SUN1: variants seen among roughly 807,000 people sequenced by gnomAD.
SUN1 encodes SUN domain-containing protein 1.
A neutral mutation model predicts 103.2 loss-of-function variants in SUN1; 61 were observed. The observed-to-expected ratio is 0.59, with a 90% CI of 0.48 to 0.73. SUN1 has a LOEUF of 0.73. SUN1 is among the 30% of genes least tolerant of loss of function. The pLI is 0.00. For missense variants in SUN1, 1,052 were observed against 1,034.6 expected (o/e 1.02, Z -0.23); for synonymous variants, 490 against 425.7 (o/e 1.15, Z -1.86).
At chr7:856,504 C>G (rs1290774635) in intron 12 of SUN1, 103 bp downstream of exon 12, 2 of 1,329,192 alleles carry the variant, frequency 1.5e-6, no homozygotes, top group East Asian at 4.7e-5. Context: ...CCGGCCTCCC[C>G]CGAGGGTCAC....
At chr7:821,681 C>T (rs566505768) in intron 1 of SUN1, among the ~76,000 whole-genome samples, 3 of 152,250 alleles carry the variant, frequency 2.0e-5, no homozygotes, top group South Asian at 2.1e-4. Flanking sequence ...CATCCTTCAG[C>T]GTTCAACCCT....
At chr7:833,861 A>C (rs1800286409) in intron 1 of SUN1, among the ~76,000 whole-genome samples, 1 of 152,230 alleles carries the variant, frequency 6.6e-6, no homozygotes, top group Non-Finnish European at 1.5e-5. Flanking sequence ...ACCGTGCAGC[A>C]TGAAACAGTG....
intron 1 of SUN1, among the ~76,000 whole-genome samples, chr7:827,300 A>G (rs1793119651): frequency 6.6e-6 from 1 of 152,146 alleles, no homozygotes; most frequent in African/African-American, 2.4e-5. Context: ...TGCTGGGATT[A>G]TAGGTGTCAG....
rs543987714 is a variant in SUN1 at position 842,129 on chromosome 7, G to A, written c.450G>A (p.Trp150Ter). The change falls in exon 3 of 19, where the codon TGG becomes TGA. Residue 150 changes from tryptophan to a stop codon, truncating the protein, a stop_gained and splice_region_variant. Transcript: ENST00000401592. LOFTEE classifies it high-confidence loss of function. Reference protein sequence around the residue: ...IREQTTVDHFWGLDDDGDLKG... With the variant: ...IREQTTVDHF ...AACAGACCACAGTGGACCACTTCTGGGGTGAGTCCCTGCGAGACACAGATT... is the reference window on the plus strand; with the variant it reads ...AACAGACCACAGTGGACCACTTCTGAGGTGAGTCCCTGCGAGACACAGATT... 6.2e-7 allele frequency: 1 copy of A among 1,610,308 alleles called. No individual in the cohort carries two copies. Among genetic ancestry groups the A allele is most frequent in the Admixed American group, 1.7e-5 (1 of 59,968 alleles).
intron 12 of SUN1, 132 bp from the exon 13 acceptor site, chr7:857,696 G>A (rs2128440684): frequency 1.7e-6 from 2 of 1,182,498 alleles, no homozygotes; most frequent in Non-Finnish European, 2.2e-6. Flanking sequence ...CCACGTTAGT[G>A]TGGCACAGGA....
intron 2 of SUN1, 123 bp downstream of exon 2, chr7:839,109 G>T (rs192324067): frequency 8.4e-6 from 8 of 947,616 alleles, no homozygotes; most frequent in Admixed American, 3.5e-5. Context: ...GTGTATGTGC[G>T]TGTACAGACA....
chr7:832,541 T>C lies in SUN1; in HGVS notation c.17T>C (p.Leu6Pro). The change falls in exon 1 of 19, where the codon CTT becomes CCT. Residue 6 changes from leucine (L) to proline (P), a missense_variant. Around this residue, in one of 2 missense-constraint regions of SUN1, gnomAD observed 846 missense variants for 774.5 expected, o/e 1.09. Transcript: ENST00000401592. Reference sequence around the variant, plus strand: ...GTGGTGAACATGGATTTTTCTCGGCTTCACATGTACAGTCCTCCCCAGTGT... The same window carrying C: ...GTGGTGAACATGGATTTTTCTCGGCCTCACATGTACAGTCCTCCCCAGTGT... MDFSR[L>P]HMYSPPQCVP... The C allele has an allele frequency of 6.2e-7, 1 of 1,613,498 alleles. No homozygotes were observed. Among genetic ancestry groups the C allele is most frequent in the African/African-American group, 1.3e-5 (1 of 75,052 alleles).
At chr7:851,798 G>T in intron 6 of SUN1, 152 bp from the exon 7 acceptor site, 1 of 719,320 alleles carries the variant, frequency 1.4e-6, no homozygotes, top group Non-Finnish European at 2.4e-6. Context: ...TTACTGCCTT[G>T]CTTCCTGCCG....
rs1842508738 is a variant in SUN1 at position 872,625 on chromosome 7, G to A, written c.2241+63G>A. The A allele has an allele frequency of 8.3e-5, 111 of 1,335,424 alleles. 2 individuals are homozygous for A. The South Asian group carries it at 1.3e-3, about 15-fold the overall frequency. 82.7% of individuals were successfully genotyped at this position (1,335,424 alleles called of 1,614,324 possible). A position where few individuals can be genotyped will look rare whatever the true frequency, so the allele number is the denominator to read the frequency against. On this transcript the variant is annotated intron_variant, in intron 18 of 18. Transcript: ENST00000401592. ...TCCCACAACTTCTCGTGACAGCAGG[G>A]CCCAGCTGGCATCAACAGACTGGAA...
Position 852,041 on chromosome 7 carries a change from C to T in SUN1, c.849C>T (p.Thr283=), listed in dbSNP as rs534584477. 8 of 1,613,966 alleles carry T rather than the reference C, an allele frequency of 5.0e-6. No individual in the cohort carries two copies. The Admixed American group carries it at 1.2e-4, about 24-fold the overall frequency. Residue 283 remains threonine (T), a splice_region_variant and synonymous_variant, in exon 7 of 19, where the codon ACC becomes ACT. Coordinates refer to ENST00000401592, the MANE Select transcript of SUN1 (RefSeq NM_001130965.3). ...CTTGGCTGAATGTGTTTCTTCTTAC[C>T]AGGTAAGGAAATGGATATCATGTCA... The part of the protein sequence containing the change: ...LISWLNVFLL[T]RCLRNICKFL...
intron 15 of SUN1, among the ~76,000 whole-genome samples, chr7:862,411 C>G (rs1832916917): frequency 6.6e-6 from 1 of 152,184 alleles, no homozygotes; most frequent in Non-Finnish European, 1.5e-5. Flanking sequence ...TTGCCACCCT[C>G]TGAGTTCTTT....
chr7:816,627 C>G (rs1277269952), exon 1 of SUN1: 1 of 365,870 alleles, frequency 2.7e-6, no homozygotes, highest in South Asian at 1.9e-5. Flanking sequence ...AGCGTCTTCT[C>G]GGGCCTGGGC....
chr7:849,836 T>A (rs544522068), intron 5 of SUN1: 12 of 1,394,754 alleles, frequency 8.6e-6, no homozygotes, highest in Non-Finnish European at 1.1e-5. Context: ...TCCCAGTTTC[T>A]ACAGACTGCC....
chr7:831,007 C>G (rs911379514), upstream of SUN1: 4 of 985,378 alleles, frequency 4.1e-6, no homozygotes, highest in African/African-American at 5.2e-5. Context: ...CAGGCCAAGG[C>G]CCTGTCCTGT....
At position 873,445 on chromosome 7, in the gene SUN1, A is replaced by C; in HGVS notation, c.*114A>C. 1.9e-6 allele frequency: 2 copies of C among 1,054,910 alleles called. No homozygotes were observed. The highest frequency in any genetic ancestry group is 2.8e-6 in the Non-Finnish European group (2 of 713,136). 65.3% of individuals were successfully genotyped at this position (1,054,910 alleles called of 1,614,324 possible). On this transcript the variant is annotated 3_prime_UTR_variant, in exon 19 of 19. Transcript: ENST00000401592. ...GATGGGACAGTGCCACACTCCTTCA[A>C]TAAACGTGGCTGCTGGCCAGAGGAC...
At chr7:853,734 G>A in intron 10 of SUN1, 116 bp downstream of exon 10, 2 of 1,183,050 alleles carry the variant, frequency 1.7e-6, no homozygotes, top group Non-Finnish European at 2.4e-6. Context: ...AAAAGGGGTT[G>A]CCCTTTCTGT....
At chr7:864,554 C>CAAAAA (rs551547626) in intron 15 of SUN1, among the ~76,000 whole-genome samples, 1 of 95,202 alleles carries the variant, frequency 1.1e-5, no homozygotes, top group Non-Finnish European at 2.2e-5. Flanking sequence ...AACTTTATCT[C>CAAAAA]AAAAAAAAAA....
chr7:874,308 C>T lies in SUN1; in HGVS notation c.*977C>T, dbSNP rs1444385985. 4 of 152,638 alleles carry T rather than the reference C, an allele frequency of 2.6e-5. No individual in the cohort carries two copies. Among genetic ancestry groups the T allele is most frequent in the Non-Finnish European group, 5.9e-5 (4 of 68,038 alleles). The allele number at this position is 152,638 out of a possible 1,614,324, so 9.5% of individuals were successfully genotyped here. On this transcript the variant is annotated 3_prime_UTR_variant, in exon 19 of 19. Transcript: ENST00000401592. Reference sequence around the variant, plus strand: ...GGAATCTGCCTTTTATCACAGCTGTCACCATTCTCACGTGATTCTTGTGAG... The same window carrying T: ...GGAATCTGCCTTTTATCACAGCTGTTACCATTCTCACGTGATTCTTGTGAG...
intron 7 of SUN1, 149 bp downstream of exon 7, chr7:852,192 A>G: frequency 1.4e-6 from 1 of 734,974 alleles, no homozygotes; most frequent in Non-Finnish European, 2.2e-6. Flanking sequence ...TTATATTCTT[A>G]TTTTTCAAAC....
Sources: gnomAD v4.1 joint callset for allele counts (sites outside exome capture counted in the v4.1 genomes callset) on GRCh38, gnomAD v4.1.1 for gene constraint, gnomAD v4.1.1 regional missense constraint, MANE v1.5 for transcripts, NCBI Gene and HGNC (gene_info 2026-07-23, HGNC 2026-07-21) for gene names.